The following PRMT6 variants were observed in gnomAD, a reference collection of about 807,000 sequenced individuals.
PRMT6 encodes protein arginine methyltransferase 6, also known as protein arginine N-methyltransferase 6.
A neutral mutation model predicts 30.5 loss-of-function variants in PRMT6; 23 were observed. The ratio of observed to expected loss-of-function variants is 0.75; its 90% CI spans 0.54 to 1.07. The LOEUF (loss-of-function observed/expected upper bound fraction) is 1.07. Ranked by LOEUF, PRMT6 falls within the 50% of genes least tolerant of loss-of-function variation. PRMT6 has a pLI of 0.00. For synonymous variants in PRMT6, 265 were observed against 228.0 expected, an observed-to-expected ratio of 1.16 and a Z score of -1.46; for missense variants, 528 against 514.3, an observed-to-expected ratio of 1.03 and a Z score of -0.26.
Position 107,057,917 on chromosome 1 carries a change from G to T in PRMT6, c.*74G>T. 6.5e-7 allele frequency: 1 copy of T among 1,545,806 alleles called. No homozygotes were observed. The highest frequency in any genetic ancestry group is 1.2e-5 in the South Asian group (1 of 83,378). ...GGAGAGGCGTAGCGAGGTCGGAGGG[G>T]AAAGGGAGATCCCACGTGCAAGTAG... On this transcript the variant is annotated 3_prime_UTR_variant, in exon 1 of 1. Transcript: ENST00000370078.
chr1:107,057,266 T>C lies in PRMT6; in HGVS notation c.551T>C (p.Leu184Pro), dbSNP rs1570650919. 1 of 1,613,994 alleles carries C rather than the reference T, an allele frequency of 6.2e-7. No homozygotes were observed. The highest frequency in any genetic ancestry group is 8.5e-7 in the Non-Finnish European group (1 of 1,179,996). The change falls in exon 1 of 1, where the codon CTC becomes CCC. Residue 184 changes from leucine to proline, a missense_variant. Coordinates refer to ENST00000370078, the MANE Select transcript of PRMT6 (RefSeq NM_018137.3). ...AAGTGGCTGAAGGAGGGCGGTCTTC[T>C]CCTGCCGGCCTCCGCCGAGCTCTTC... is the stretch of plus-strand genomic sequence containing the variant. ...RTKWLKEGGL[L>P]LPASAELFIA...
chr1:107,057,669 G>C lies in PRMT6; in HGVS notation c.954G>C (p.Trp318Cys). The C allele has an allele frequency of 6.2e-7, 1 of 1,614,232 alleles. No homozygotes were observed. Among genetic ancestry groups the C allele is most frequent in the Non-Finnish European group, 8.5e-7 (1 of 1,180,046 alleles). ...CGCCTTTTCACCCGGCCACTCACTG[G>C]AAACAGGCGCTCCTCTACCTGAACG... is the stretch of plus-strand genomic sequence containing the variant. Reference protein sequence around the residue: ...STSPFHPATHWKQALLYLNEP... With the variant: ...STSPFHPATHCKQALLYLNEP... The change falls in exon 1 of 1, where the codon TGG (tryptophan) becomes TGC (cysteine). Residue 318 changes from tryptophan (W) to cysteine (C), a missense_variant. Coordinates refer to ENST00000370078, the MANE Select transcript of PRMT6 (RefSeq NM_018137.3).
rs1263678921 is a variant in PRMT6, at chr1:107,058,641, C to T, written c.*798C>T. 1.2e-5 allele frequency: 2 copies of T among 166,956 alleles called. No individual in the cohort carries two copies. Among genetic ancestry groups the T allele is most frequent in the Non-Finnish European group, 2.9e-5 (2 of 68,080 alleles). The allele number at this position is 166,956 out of a possible 1,614,324, so 10.3% of individuals were successfully genotyped here. A position where few individuals can be genotyped will look rare whatever the true frequency, so the allele number is the denominator to read the frequency against. ...AACCAAAAAATATTTCTTGTATGTC[C>T]CATAAAAATATTTGTGTAATTCTTA... On this transcript the variant is annotated 3_prime_UTR_variant, in exon 1 of 1. Transcript: ENST00000370078.
rs373860195 is a variant in PRMT6, at chr1:107,056,950, G to A, written c.235G>A (p.Ala79Thr). ...AYRLGILRNW[A>T]ALRGKTVLDV... ...CCGCCTGGGTATCCTTCGGAACTGG[G>A]CAGCACTGCGAGGCAAGACGGTACT... is the stretch of plus-strand genomic sequence containing the variant. The change falls in exon 1 of 1, where the codon GCA (alanine) becomes ACA (threonine). Residue 79 changes from alanine (A) to threonine (T), a missense_variant. Ala to Thr is a moderately conservative substitution (Grantham distance 58). Transcript: ENST00000370078. 2.5e-6 allele frequency: 4 copies of A among 1,612,676 alleles called. No homozygotes were observed. The highest frequency in any genetic ancestry group is 1.1e-5 in the South Asian group (1 of 90,926).
At position 107,058,263 on chromosome 1, in the gene PRMT6, A is replaced by G. The variant is rs1651777388; in HGVS notation, c.*420A>G. ...GGAGAAAGGGGTTCATTTAGACTTC[A>G]TACATTTCCAGTACGACTTTAGTAT... On this transcript the variant is annotated 3_prime_UTR_variant, in exon 1 of 1. Transcript: ENST00000370078. The G allele has an allele frequency of 7.5e-6, 2 of 266,922 alleles. No homozygotes were observed. The highest frequency in any genetic ancestry group is 1.6e-5 in the Non-Finnish European group (2 of 128,652). 16.5% of individuals were successfully genotyped at this position (266,922 alleles called of 1,614,324 possible).
Position 107,056,768 on chromosome 1 carries a change from G to A in PRMT6, c.53G>A (p.Gly18Glu). 1 of 1,553,354 alleles carries A rather than the reference G, an allele frequency of 6.4e-7. No individual in the cohort carries two copies. Among genetic ancestry groups the A allele is most frequent in the Non-Finnish European group, 8.7e-7 (1 of 1,148,616 alleles). ...KLESGGGGEG[G>E]EGTEEEDGAE... ...GAGTCGGGGGGCGGCGGCGAAGGAG[G>A]GGAGGGAACTGAAGAGGAAGATGGC... is the stretch of plus-strand genomic sequence containing the variant. Residue 18 changes from glycine (G) to glutamate (E), a missense_variant, in exon 1 of 1, where the codon GGG becomes GAG. By Grantham distance (98) the Gly-to-Glu change is moderately conservative. Coordinates refer to ENST00000370078, the MANE Select transcript of PRMT6 (RefSeq NM_018137.3).
chr1:107,056,693 G>C lies in PRMT6; in HGVS notation c.-23G>C. ...CGCGCCGTGCCGCGCTACGCCCGCC[G>C]GGAGCCGGGCAGAGCGGCCAAGATG... On this transcript the variant is annotated 5_prime_UTR_variant, in exon 1 of 1. Transcript: ENST00000370078. 3 of 1,471,260 alleles carry C rather than the reference G, an allele frequency of 2.0e-6. No individual in the cohort carries two copies. The highest frequency in any genetic ancestry group is 2.7e-6 in the Non-Finnish European group (3 of 1,109,578). The allele number at this position is 1,471,260 out of a possible 1,614,324, so 91.1% of individuals were successfully genotyped here. A position where few individuals can be genotyped will look rare whatever the true frequency, so the allele number is the denominator to read the frequency against.
At position 107,057,600 on chromosome 1, in the gene PRMT6, C is replaced by T; in HGVS notation, c.885C>T (p.Thr295=). 6.2e-7 allele frequency: 1 copy of T among 1,614,168 alleles called. No individual in the cohort carries two copies. Among genetic ancestry groups the T allele is most frequent in the South Asian group, 1.1e-5 (1 of 91,088 alleles). ...GCTTTGCCATCTGGTTCCAGGTGAC[C>T]TTCCCTGGAGGGGAGTCGGAGAAAC... ...MHGFAIWFQV[T]FPGGESEKPL... Residue 295 remains threonine, a synonymous_variant, in exon 1 of 1, where the codon ACC becomes ACT. Coordinates refer to ENST00000370078, the MANE Select transcript of PRMT6 (RefSeq NM_018137.3).
In PRMT6 at chr1:107,057,702, G is replaced by A; in HGVS notation, c.987G>A (p.Val329=). 2 of 1,614,270 alleles carry A rather than the reference G, an allele frequency of 1.2e-6. No individual in the cohort carries two copies. The highest frequency in any genetic ancestry group is 1.7e-6 in the Non-Finnish European group (2 of 1,180,048). The change falls in exon 1 of 1, where the codon GTG becomes GTA. Residue 329 remains valine, a synonymous_variant. Transcript: ENST00000370078. The stretch of plus-strand genomic sequence containing the variant: ...CGCTCCTCTACCTGAACGAGCCGGT[G>A]CAAGTGGAGCAAGACACGGACGTTT... ...KQALLYLNEP[V]QVEQDTDVSG...
Position 107,056,937 on chromosome 1 carries a change from C to A in PRMT6, c.222C>A (p.Ile74=). 1 of 1,611,302 alleles carries A rather than the reference C, an allele frequency of 6.2e-7. No individual in the cohort carries two copies. Among genetic ancestry groups the A allele is most frequent in the Non-Finnish European group, 8.5e-7 (1 of 1,178,188 alleles). ...GCACCGATGCCTACCGCCTGGGTAT[C>A]CTTCGGAACTGGGCAGCACTGCGAG... ...RVRTDAYRLG[I]LRNWAALRGK... The change falls in exon 1 of 1, where the codon ATC becomes ATA. Residue 74 remains isoleucine (I), a synonymous_variant. Transcript: ENST00000370078.
chr1:107,056,873 A>T lies in PRMT6; in HGVS notation c.158A>T (p.Asp53Val). 3 of 1,613,726 alleles carry T rather than the reference A, an allele frequency of 1.9e-6. No individual in the cohort carries two copies. The highest frequency in any genetic ancestry group is 2.5e-6 in the Non-Finnish European group (3 of 1,179,862). Reference sequence around the variant, plus strand: ...CAGCTGTACTACGAGTGCTACTCGGACGTTTCGGTCCACGAGGAGATGATC... The same window carrying T: ...CAGCTGTACTACGAGTGCTACTCGGTCGTTTCGGTCCACGAGGAGATGATC... ...RDQLYYECYS[D>V]VSVHEEMIAD... The change falls in exon 1 of 1, where the codon GAC becomes GTC. Residue 53 changes from aspartate (D) to valine (V), a missense_variant. By Grantham distance (152) the Asp-to-Val change is radical (BLOSUM62 -3). Coordinates refer to ENST00000370078, the MANE Select transcript of PRMT6 (RefSeq NM_018137.3).
rs763237765 is a variant in PRMT6 at position 107,056,681 on chromosome 1, G to C, written c.-35G>C. On this transcript the variant is annotated 5_prime_UTR_variant, in exon 1 of 1. Coordinates refer to ENST00000370078, the MANE Select transcript of PRMT6 (RefSeq NM_018137.3). ...TTTCCTGGAGCCCGCGCCGTGCCGC[G>C]CTACGCCCGCCGGGAGCCGGGCAGA... 908 of 1,465,746 alleles carry C rather than the reference G, an allele frequency of 6.2e-4. 1 individual carries two copies. Among genetic ancestry groups the C allele is most frequent in the Non-Finnish European group, 7.6e-4 (842 of 1,106,908 alleles). 90.8% of individuals were successfully genotyped at this position (1,465,746 alleles called of 1,614,324 possible).
chr1:107,057,035 G>T lies in PRMT6; in HGVS notation c.320G>T (p.Arg107Leu). The T allele has an allele frequency of 6.2e-7, 1 of 1,613,094 alleles. No homozygotes were observed. Among genetic ancestry groups the T allele is most frequent in the Non-Finnish European group, 8.5e-7 (1 of 1,179,778 alleles). The change falls in exon 1 of 1, where the codon CGC (arginine) becomes CTC (leucine). Residue 107 changes from arginine to leucine, a missense_variant. Physicochemically the swap from Arg to Leu is moderately radical, Grantham distance 102. Transcript: ENST00000370078. ...TTCTGTGCCCAGGCCGGGGCCCGGC[G>T]CGTGTACGCGGTAGAGGCCAGCGCC... ...SIFCAQAGAR[R>L]VYAVEASAIW...
chr1:107,057,516 G>A lies in PRMT6; in HGVS notation c.801G>A (p.Leu267=). The A allele has an allele frequency of 6.2e-7, 1 of 1,613,460 alleles. No homozygotes were observed. The change falls in exon 1 of 1, where the codon CTG becomes CTA. Residue 267 remains leucine (L), a synonymous_variant. Coordinates refer to ENST00000370078, the MANE Select transcript of PRMT6 (RefSeq NM_018137.3). The part of the protein sequence containing the change: ...ELSRAGLEQE[L]EAGVGGRFRC... Reference sequence around the variant, plus strand: ...CCCGCGCCGGCTTGGAGCAGGAGCTGGAGGCCGGAGTGGGCGGGCGCTTCC... The same window carrying A: ...CCCGCGCCGGCTTGGAGCAGGAGCTAGAGGCCGGAGTGGGCGGGCGCTTCC...
In PRMT6 at chr1:107,058,839, C is replaced by G. The variant is rs778862890; in HGVS notation, c.*996C>G. ...GGGATCATGTGAGTTGGCCTACTTACAAGTAGTGAAAGTTCCCTTTTCAGT... is the reference window on the plus strand; with the variant it reads ...GGGATCATGTGAGTTGGCCTACTTAGAAGTAGTGAAAGTTCCCTTTTCAGT... On this transcript the variant is annotated 3_prime_UTR_variant, in exon 1 of 1. Transcript: ENST00000370078. 6.0e-6 allele frequency: 1 copy of G among 167,102 alleles called. No homozygotes were observed. Among genetic ancestry groups the G allele is most frequent in the Non-Finnish European group, 1.5e-5 (1 of 68,124 alleles). The allele number at this position is 167,102 out of a possible 1,614,324, so 10.4% of individuals were successfully genotyped here. A position where few individuals can be genotyped will look rare whatever the true frequency, so the allele number is the denominator to read the frequency against.
Position 107,058,793 on chromosome 1 carries a change from ATTT to A in PRMT6, c.*951_*953del, listed in dbSNP as rs1651788106. 6.0e-6 allele frequency: 1 copy of A among 167,112 alleles called. No homozygotes were observed. Among genetic ancestry groups the A allele is most frequent in the Non-Finnish European group, 1.5e-5 (1 of 68,126 alleles). 10.4% of individuals were successfully genotyped at this position (167,112 alleles called of 1,614,324 possible). A position where few individuals can be genotyped will look rare whatever the true frequency, so the allele number is the denominator to read the frequency against. On this transcript the variant is annotated 3_prime_UTR_variant, in exon 1 of 1. Transcript: ENST00000370078. ...CAGCTAGAAAAGTATACTCATTCTC[ATTT>A]AAACTCTCTCATTTGGAGGGATCAT... is the stretch of plus-strand genomic sequence containing the variant.
rs1186024903 is a variant in PRMT6, at chr1:107,056,767, G to C, written c.52G>C (p.Gly18Arg). 13 of 1,552,462 alleles carry C rather than the reference G, an allele frequency of 8.4e-6. No individual in the cohort carries two copies. In the East Asian group the frequency reaches 2.4e-4, roughly 29 times the overall value. Reference protein sequence around the residue: ...KLESGGGGEGGEGTEEEDGAE... With the variant: ...KLESGGGGEGREGTEEEDGAE... ...TGAGTCGGGGGGCGGCGGCGAAGGA[G>C]GGGAGGGAACTGAAGAGGAAGATGG... The change falls in exon 1 of 1, where the codon GGG becomes CGG. Residue 18 changes from glycine (G) to arginine (R), a missense_variant. Physicochemically the swap from Gly to Arg is moderately radical, Grantham distance 125. Coordinates refer to ENST00000370078, the MANE Select transcript of PRMT6 (RefSeq NM_018137.3).
chr1:107,057,345 G>A lies in PRMT6; in HGVS notation c.630G>A (p.Gln210=). The A allele has an allele frequency of 6.2e-7, 1 of 1,613,848 alleles. No individual in the cohort carries two copies. The highest frequency in any genetic ancestry group is 8.5e-7 in the Non-Finnish European group (1 of 1,180,044). ...AATGGCGCCTGGGCTTCTGGAGCCA[G>A]GTGAAGCAGCACTATGGTGTGGACA... is the stretch of plus-strand genomic sequence containing the variant. ...MLEWRLGFWS[Q]VKQHYGVDMS... The change falls in exon 1 of 1, where the codon CAG becomes CAA. Residue 210 remains glutamine, a synonymous_variant. Transcript: ENST00000370078.
At position 107,057,879 on chromosome 1, in the gene PRMT6, C is replaced by A. The variant is rs1167129923; in HGVS notation, c.*36C>A. 1 of 1,552,972 alleles carries A rather than the reference C, an allele frequency of 6.4e-7. No homozygotes were observed. Among genetic ancestry groups the A allele is most frequent in the African/African-American group, 1.4e-5 (1 of 73,122 alleles). ...TTCTCCCAGCTACCTCCCAAAGCAG[C>A]CTGACCTGCGTGGGAGAGGCGTAGC... On this transcript the variant is annotated 3_prime_UTR_variant, in exon 1 of 1. Transcript: ENST00000370078.
Sources: allele counts gnomAD v4.1 joint callset, GRCh38; gene constraint gnomAD v4.1.1; transcripts MANE v1.5; gene names NCBI Gene and HGNC (gene_info 2026-07-23, HGNC 2026-07-21).